Variants in MSRB2 observed in about 807,000 individuals in gnomAD.
MSRB2 encodes methionine-R-sulfoxide reductase B2, mitochondrial.
MSRB2 carries 17 observed loss-of-function variants against 19.0 expected under a neutral mutation model. The observed-to-expected ratio is 0.89, with a 90% confidence interval of 0.61 to 1.34. The LOEUF is 1.34. MSRB2 is among the 40% of genes most tolerant of loss of function. MSRB2 has a pLI of 0.00. For missense variants in MSRB2, 208 were observed against 237.6 expected (o/e 0.88, Z 0.82); for synonymous variants, 107 against 99.7 (o/e 1.07, Z -0.44).
chr10:23,114,037 A>C (rs569250218), intron 3 of MSRB2, among the ~76,000 whole-genome samples: 1 of 152,260 alleles, frequency 6.6e-6, no homozygotes, highest in African/African-American at 2.4e-5. Flanking sequence ...ACATCATAGC[A>C]ATGTTGGGAC....
rs189595223 is a variant in MSRB2 at position 23,110,824 on chromosome 10, C to T, written c.296+506C>T. 2.0e-3 allele frequency among the ~76,000 whole-genome samples: 299 copies of T among 152,166 alleles called. 4 individuals are homozygous for T. Among genetic ancestry groups the T allele is most frequent in the African/African-American group, 6.8e-3 (282 of 41,538 alleles). ...CCTCTTCTATATAGCTAAAAGTAAA[C>T]TTATTTGTCCCTTGATTTCAAAGCC... On this transcript the variant is annotated intron_variant, in intron 3 of 4. Coordinates refer to ENST00000376510, the MANE Select transcript of MSRB2 (RefSeq NM_012228.4).
At chr10:23,113,448 C>G (rs941454938) in intron 3 of MSRB2, among the ~76,000 whole-genome samples, 20 of 145,378 alleles carry the variant, frequency 1.4e-4, no homozygotes, top group African/African-American at 5.1e-4. Context: ...CAATTTAGGA[C>G]CTAATTATTC....
intron 1 of MSRB2, among the ~76,000 whole-genome samples, chr10:23,098,034 A>G (rs1204047213): frequency 6.6e-6 from 1 of 152,166 alleles, no homozygotes; most frequent in Non-Finnish European, 1.5e-5. Flanking sequence ...AGTAAGAAAT[A>G]TTCTGGAGCA....
intron 2 of MSRB2, among the ~76,000 whole-genome samples, chr10:23,107,691 G>A (rs765551288): frequency 1.3e-5 from 2 of 152,174 alleles, no homozygotes; most frequent in African/African-American, 2.4e-5. Flanking sequence ...GCTCACGTGT[G>A]TCTTCCTCCC....
intron 1 of MSRB2, among the ~76,000 whole-genome samples, chr10:23,099,405 T>C (rs1839902404): frequency 6.6e-6 from 1 of 152,320 alleles, no homozygotes; most frequent in East Asian, 1.9e-4. Context: ...GCCTACCCAC[T>C]AAAGTTTTCG....
At chr10:23,112,204 A>G (rs1295184202) in intron 3 of MSRB2, among the ~76,000 whole-genome samples, 1 of 152,204 alleles carries the variant, frequency 6.6e-6, no homozygotes, top group Non-Finnish European at 1.5e-5. Context: ...TCCATTTTGC[A>G]TTCTTAAAGA....
At chr10:23,102,809 T>C (rs914012660) in intron 1 of MSRB2, among the ~76,000 whole-genome samples, 1 of 152,238 alleles carries the variant, frequency 6.6e-6, no homozygotes, top group African/African-American at 2.4e-5. Flanking sequence ...CTTCATTTAT[T>C]ACTTGACATT....
chr10:23,119,558 T>C, intron 4 of MSRB2, 107 bp downstream of exon 4: 1 of 1,335,942 alleles, frequency 7.5e-7, no homozygotes, highest in East Asian at 2.3e-5. Context: ...GTACTTTCTT[T>C]TGTCTTCAGA....
intron 2 of MSRB2, among the ~76,000 whole-genome samples, chr10:23,104,999 C>T (rs1271866735): frequency 6.6e-6 from 1 of 152,154 alleles, no homozygotes; most frequent in Non-Finnish European, 1.5e-5. Context: ...TGCTGTAACC[C>T]CTGGCACCTA....
intron 3 of MSRB2, among the ~76,000 whole-genome samples, chr10:23,116,978 GA>G (rs1328680305): frequency 6.6e-6 from 1 of 152,188 alleles, no homozygotes; most frequent in East Asian, 1.9e-4. Flanking sequence ...ACAAAAGGGA[GA>G]GGGTATAATG....
At chr10:23,100,301 C>G (rs1839913801) in intron 1 of MSRB2, among the ~76,000 whole-genome samples, 1 of 152,170 alleles carries the variant, frequency 6.6e-6, no homozygotes, top group Non-Finnish European at 1.5e-5. Flanking sequence ...TCTAGCAAAG[C>G]CTGTTCTTGC....
intron 1 of MSRB2, among the ~76,000 whole-genome samples, chr10:23,103,541 C>A (rs959068396): frequency 2.0e-5 from 3 of 152,080 alleles, no homozygotes; most frequent in Non-Finnish European, 2.9e-5. Context: ...AAGAAGAAAA[C>A]AAAATATGGA....
intron 2 of MSRB2, among the ~76,000 whole-genome samples, chr10:23,104,937 C>T (rs79221416): frequency 0.07 from 10,627 of 152,224 alleles, 952 homozygotes; most frequent in African/African-American, 0.2. Flanking sequence ...CTCCTAGCCC[C>T]CAGCTAGGGT....
chr10:23,110,213 T>G (rs756628328), intron 2 of MSRB2, 29 bp from the exon 3 acceptor site: 1 of 1,574,866 alleles, frequency 6.3e-7, no homozygotes. Flanking sequence ...ATGAGAAATC[T>G]GAACATGACA....
intron 3 of MSRB2, among the ~76,000 whole-genome samples, chr10:23,113,946 A>G (rs1840082083): frequency 6.6e-6 from 1 of 152,210 alleles, no homozygotes; most frequent in African/African-American, 2.4e-5. Flanking sequence ...ACTTTGTTAC[A>G]GCCACCTTGG....
In MSRB2 at chr10:23,111,518, C is replaced by G. The variant is rs542651828; in HGVS notation, c.296+1200C>G. Among the ~76,000 whole-genome samples the G allele has an allele frequency of 2.4e-4, 37 of 152,350 alleles. No individual in the cohort carries two copies. In the South Asian group the frequency reaches 7.2e-3, roughly 30 times the overall value. On this transcript the variant is annotated intron_variant, in intron 3 of 4. Coordinates refer to ENST00000376510, the MANE Select transcript of MSRB2 (RefSeq NM_012228.4). ...CTCGCAAGAGCATTCTCTTAAATCA[C>G]AGTCTTCACTCTTCCCCTTCCTTGA...
In MSRB2 at chr10:23,120,778, C is replaced by T. The variant is rs368234614; in HGVS notation, c.465C>T (p.His155=). Residue 155 remains histidine (H), a synonymous_variant, in exon 5 of 5, where the codon CAC becomes CAT. Coordinates refer to ENST00000376510, the MANE Select transcript of MSRB2 (RefSeq NM_012228.4). ...VCKQCEAHLG[H]VFPDGPGPNG... ...TGCAGTGTGAAGCTCATCTAGGTCA[C>T]GTGTTTCCTGATGGACCTGGGCCCA... 120 of 1,613,862 alleles carry T rather than the reference C, an allele frequency of 7.4e-5. No homozygotes were observed. The highest frequency in any genetic ancestry group is 2.5e-4 in the Admixed American group (15 of 59,982).
chr10:23,105,496 A>T (rs1015273095), intron 2 of MSRB2, among the ~76,000 whole-genome samples: 21 of 151,906 alleles, frequency 1.4e-4, no homozygotes, highest in African/African-American at 5.1e-4. Context: ...AGGCTCTGTT[A>T]TCCATTTTTC....
At chr10:23,103,465 G>C (rs1334953810) in intron 1 of MSRB2, among the ~76,000 whole-genome samples, 2 of 152,116 alleles carry the variant, frequency 1.3e-5, no homozygotes, top group African/African-American at 4.8e-5. Context: ...AGAGAGTATT[G>C]CTCTAGTTAC....
Sources: allele counts gnomAD v4.1 joint callset (sites outside exome capture counted in the v4.1 genomes callset), GRCh38; gene constraint gnomAD v4.1.1; transcripts MANE v1.5; gene names NCBI Gene and HGNC (gene_info 2026-07-23, HGNC 2026-07-21).